NREP: variants seen among roughly 807,000 people sequenced by gnomAD.
The protein encoded by NREP is neuronal regeneration related protein.
Under a neutral mutation model 8.6 loss-of-function variants are expected in NREP, and 5 were observed. The observed-to-expected ratio is 0.58, with a 90% CI of 0.30 to 1.22. The LOEUF (loss-of-function observed/expected upper bound fraction) is 1.22, where lower values mean the gene tolerates loss of function less well. Among genes scored for constraint, NREP ranks in the 50% most tolerant of loss-of-function variants. NREP has a pLI of 0.07. For missense variants in NREP, 86 were observed against 82.5 expected, an observed-to-expected ratio of 1.04 and a Z score of -0.17; for synonymous variants, 27 against 28.0, an observed-to-expected ratio of 0.96 and a Z score of 0.11.
At chr5:111,934,110 A>G (rs1755617779) in intron 2 of NREP, among the ~76,000 whole-genome samples, 1 of 152,070 alleles carries the variant, frequency 6.6e-6, no homozygotes, top group Non-Finnish European at 1.5e-5. Context: ...TGCAGGGTCT[A>G]CGTGGCTTGC....
chr5:111,897,725 T>C (rs571637592), intron 2 of NREP, among the ~76,000 whole-genome samples: 6 of 152,306 alleles, frequency 3.9e-5, no homozygotes, highest in Non-Finnish European at 7.4e-5. Context: ...CTTTGTTCTC[T>C]ATTATTAATA....
intron 2 of NREP, among the ~76,000 whole-genome samples, chr5:111,881,306 G>T (rs1452978845): frequency 6.6e-6 from 1 of 152,186 alleles, no homozygotes; most frequent in Non-Finnish European, 1.5e-5. Context: ...GCTTGCTTAG[G>T]TAAACAAAGC....
intron 2 of NREP, among the ~76,000 whole-genome samples, chr5:111,863,682 CT>C (rs1296772777): frequency 6.6e-6 from 1 of 152,080 alleles, no homozygotes; most frequent in Non-Finnish European, 1.5e-5. Flanking sequence ...AAAGTAAGTA[CT>C]TTAATAAGCA....
At chr5:111,872,009 T>C (rs986026714) in intron 2 of NREP, among the ~76,000 whole-genome samples, 4 of 149,766 alleles carry the variant, frequency 2.7e-5, no homozygotes, top group African/African-American at 4.9e-5. Context: ...CTTTCTGCTA[T>C]TGGTTCCATT....
chr5:111,867,579 G>T (rs1753697164), intron 2 of NREP, among the ~76,000 whole-genome samples: 1 of 152,074 alleles, frequency 6.6e-6, no homozygotes, highest in Non-Finnish European at 1.5e-5. Flanking sequence ...ATTGGGGATG[G>T]GGAGCACAAT....
intron 2 of NREP, among the ~76,000 whole-genome samples, chr5:111,777,268 C>A (rs1467146959): frequency 9.9e-5 from 15 of 151,962 alleles, no homozygotes; most frequent in Non-Finnish European, 1.8e-4. Context: ...CAATGGATGA[C>A]TTAGAGTATG....
intron 2 of NREP, among the ~76,000 whole-genome samples, chr5:111,955,755 G>A (rs948815782): frequency 2.6e-5 from 4 of 152,056 alleles, no homozygotes; most frequent in Non-Finnish European, 5.9e-5. Context: ...ATATCCAGGT[G>A]CCAGAAATGT....
chr5:111,883,331 G>C (rs1353722626), intron 2 of NREP, among the ~76,000 whole-genome samples: 1 of 152,034 alleles, frequency 6.6e-6, no homozygotes, highest in Non-Finnish European at 1.5e-5. Context: ...AGCAAGTCCT[G>C]AGTGACCTAC....
intron 2 of NREP, among the ~76,000 whole-genome samples, chr5:111,790,351 T>C (rs956131495): frequency 4.3e-3 from 15 of 3,502 alleles, no homozygotes; most frequent in Admixed American, 0.015. Context: ...CCTTAACTTT[T>C]TTTTTTTTTT....
chr5:111,901,052 A>G (rs990262736), intron 2 of NREP, among the ~76,000 whole-genome samples: 4 of 152,152 alleles, frequency 2.6e-5, no homozygotes, highest in Non-Finnish European at 5.9e-5. Context: ...TCAAAAAGAC[A>G]ACAAACCATG....
chr5:111,955,191 G>C (rs1561366583), intron 2 of NREP, among the ~76,000 whole-genome samples: 1 of 152,130 alleles, frequency 6.6e-6, no homozygotes, highest in Non-Finnish European at 1.5e-5. Flanking sequence ...AGCTCTCAGA[G>C]TTTCCTTCTC....
At chr5:111,936,483 C>T (rs1300456422) in intron 2 of NREP, among the ~76,000 whole-genome samples, 1 of 152,070 alleles carries the variant, frequency 6.6e-6, no homozygotes, top group Non-Finnish European at 1.5e-5. Context: ...ATTACCCAGT[C>T]TCAGGTAGTT....
At chr5:111,818,297 G>T (rs1195096554) in intron 2 of NREP, among the ~76,000 whole-genome samples, 1 of 152,116 alleles carries the variant, frequency 6.6e-6, no homozygotes. Context: ...CATAATAATT[G>T]TAAAATGCAA....
chr5:111,877,776 T>G (rs759245609), intron 2 of NREP, among the ~76,000 whole-genome samples: 1 of 152,128 alleles, frequency 6.6e-6, no homozygotes, highest in Non-Finnish European at 1.5e-5. Context: ...GGTTTTACAG[T>G]TGAAGACTCT....
rs148962998 is a variant in NREP at position 111,824,644 on chromosome 5, G to A, written c.136-89137C>T. Among the ~76,000 whole-genome samples the A allele has an allele frequency of 2.0e-3, 307 of 152,278 alleles. 1 individual carries two copies. The highest frequency in any genetic ancestry group is 7.1e-3 in the African/African-American group (294 of 41,570). Reference sequence around the variant, plus strand: ...AATTGGTAAGGCAATAATCCCATTAGGAATTTAATGGGATTTTTAGATGAA... The same window carrying A: ...AATTGGTAAGGCAATAATCCCATTAAGAATTTAATGGGATTTTTAGATGAA... On this transcript the variant is annotated intron_variant, in intron 2 of 3. Transcript: ENST00000395634.
At chr5:111,788,518 A>T (rs1446476842) in intron 2 of NREP, among the ~76,000 whole-genome samples, 1 of 152,208 alleles carries the variant, frequency 6.6e-6, no homozygotes, top group East Asian at 1.9e-4. Flanking sequence ...CCAGAGCATG[A>T]AGTCAGAACT....
At chr5:111,955,101 T>C (rs527598221) in intron 2 of NREP, among the ~76,000 whole-genome samples, 1 of 152,288 alleles carries the variant, frequency 6.6e-6, no homozygotes, top group South Asian at 2.1e-4. Context: ...GATATTCTCT[T>C]CTACTATCAG....
chr5:111,736,298 G>T (rs1749107783), intron 2 of NREP, among the ~76,000 whole-genome samples: 1 of 152,148 alleles, frequency 6.6e-6, no homozygotes, highest in Non-Finnish European at 1.5e-5. Context: ...AGAAATTAGA[G>T]AAAAACTGTG....
intron 2 of NREP, among the ~76,000 whole-genome samples, chr5:111,849,703 T>C (rs1163326228): frequency 6.6e-6 from 1 of 152,074 alleles, no homozygotes; most frequent in Non-Finnish European, 1.5e-5. Context: ...TTATTATATA[T>C]AGTAAGAAGT....
Sources: gnomAD v4.1 joint callset for allele counts (sites outside exome capture counted in the v4.1 genomes callset) on GRCh38, gnomAD v4.1.1 for gene constraint, MANE v1.5 for transcripts, NCBI Gene and HGNC (gene_info 2026-07-23, HGNC 2026-07-21) for gene names.